The following PTPN20 variants were observed in gnomAD, a reference collection of about 807,000 sequenced individuals.
PTPN20 encodes the protein tyrosine-protein phosphatase non-receptor type 20.
A neutral mutation model predicts 35.0 loss-of-function variants in PTPN20; 9 were observed. The ratio of observed to expected loss-of-function variants is 0.26; its 90% CI spans 0.15 to 0.45. The LOEUF (loss-of-function observed/expected upper bound fraction) is 0.45. Among genes scored for constraint, PTPN20 ranks in the 20% least tolerant of loss-of-function variants. PTPN20 has a pLI of 1.00. For missense variants in PTPN20, 111 were observed against 312.5 expected (o/e 0.36, Z 4.86); for synonymous variants, 32 against 100.2 (o/e 0.32, Z 4.06).
intron 5 of PTPN20, among the ~76,000 whole-genome samples, chr10:46,951,315 G>A (rs1351371497): frequency 6.6e-6 from 1 of 151,932 alleles, no homozygotes; most frequent in Non-Finnish European, 1.5e-5. Context: ...CTTAATATAT[G>A]TTTATTAACT....
intron 9 of PTPN20, among the ~76,000 whole-genome samples, chr10:46,992,474 A>G (rs1426160863): frequency 6.6e-6 from 1 of 152,132 alleles, no homozygotes; most frequent in African/African-American, 2.4e-5. Context: ...TGAAGGACCA[A>G]TCTTTGAGCT....
intron 9 of PTPN20, among the ~76,000 whole-genome samples, chr10:46,997,024 T>A (rs1276790318): frequency 6.6e-6 from 1 of 152,186 alleles, no homozygotes; most frequent in Non-Finnish European, 1.5e-5. Context: ...CTTGCTGGGA[T>A]TTGGATGGAA....
chr10:47,000,648 C>G, intron 10 of PTPN20, 28 bp from the exon 11 acceptor site: 1 of 1,610,190 alleles, frequency 6.2e-7, no homozygotes, highest in African/African-American at 1.3e-5. Flanking sequence ...ACTTAACATT[C>G]TGTTGTTTTT....
chr10:47,002,749 G>T (rs2060127744), downstream of PTPN20, among the ~76,000 whole-genome samples: 2 of 151,884 alleles, frequency 1.3e-5, no homozygotes, highest in East Asian at 3.9e-4. Flanking sequence ...AGGCTTACAT[G>T]TTAGACCAAA....
intron 2 of PTPN20, among the ~76,000 whole-genome samples, chr10:46,936,918 TC>T (rs2041844669): frequency 1.3e-5 from 2 of 149,566 alleles, no homozygotes; most frequent in Non-Finnish European, 3.0e-5. Context: ...AATTGAGTTA[TC>T]TTTTAAAGAA....
intron 5 of PTPN20, among the ~76,000 whole-genome samples, chr10:46,951,335 A>T (rs1375879822): frequency 1.3e-5 from 2 of 151,876 alleles, no homozygotes; most frequent in Non-Finnish European, 2.9e-5. Flanking sequence ...TTCTTCTTGG[A>T]TTTGCATATT....
chr10:46,911,603 G>A (rs2032001211), intron 1 of PTPN20, 102 bp downstream of exon 1: 6 of 197,582 alleles, frequency 3.0e-5, no homozygotes, highest in South Asian at 2.9e-4. Context: ...TGCCGTTGAC[G>A]TGCAGGGGTC....
At chr10:46,997,101 A>G (rs2059245170) in intron 9 of PTPN20, among the ~76,000 whole-genome samples, 4 of 152,326 alleles carry the variant, frequency 2.6e-5, no homozygotes, top group South Asian at 2.1e-4. Flanking sequence ...CTTCCAATCC[A>G]TGAACATGGT....
chr10:46,996,769 G>T (rs996340686), intron 9 of PTPN20, among the ~76,000 whole-genome samples: 7 of 151,938 alleles, frequency 4.6e-5, no homozygotes, highest in African/African-American at 1.5e-4. Context: ...TTGTACCTTT[G>T]TCAAAAATTA....
intron 9 of PTPN20, among the ~76,000 whole-genome samples, chr10:46,992,145 CAG>C (rs1458207293): frequency 4.4e-5 from 6 of 136,240 alleles, no homozygotes; most frequent in Admixed American, 7.8e-5. Flanking sequence ...TTTTTTGAGA[CAG>C]AGTCTTGGTC....
At position 46,976,000 on chromosome 10, in the gene PTPN20, G is replaced by C. The variant is rs1239860588; in HGVS notation, c.583+7953G>C. On this transcript the variant is annotated intron_variant, in intron 7 of 10. Coordinates refer to ENST00000374339, the MANE Select transcript of PTPN20 (RefSeq NM_001042357.5). ...AGAATCAGAGTCTACTTGGAGTGCA[G>C]TAGCATAATCATAGCTCACCGAAAC... 9.3e-5 allele frequency among the ~76,000 whole-genome samples: 14 copies of C among 151,258 alleles called. No individual in the cohort carries two copies. In the East Asian group the frequency reaches 2.1e-3, roughly 23 times the overall value.
chr10:46,986,318 G>C (rs1555173769), intron 8 of PTPN20, among the ~76,000 whole-genome samples: 1 of 143,278 alleles, frequency 7.0e-6, no homozygotes, highest in African/African-American at 2.9e-5. Flanking sequence ...GGATACCAGG[G>C]CTCAGCCAAG....
chr10:47,000,754 T>C lies in PTPN20; in HGVS notation c.*13T>C, dbSNP rs1041947018. 2.5e-6 allele frequency: 4 copies of C among 1,613,516 alleles called. No individual in the cohort carries two copies. The highest frequency in any genetic ancestry group is 2.5e-6 in the Non-Finnish European group (3 of 1,179,510). On this transcript the variant is annotated 3_prime_UTR_variant, in exon 11 of 11. Transcript: ENST00000374339. ...GACTTTGGATTAAGAAAGACTTCTG[T>C]TGCCTCTCACTTGAAATTACCAAGT...
At chr10:46,953,880 G>T (rs2047607027) in intron 5 of PTPN20, among the ~76,000 whole-genome samples, 1 of 138,504 alleles carries the variant, frequency 7.2e-6, no homozygotes, top group Non-Finnish European at 1.5e-5. Context: ...TTCTTTTTTT[G>T]TGATATCTTT....
chr10:46,924,055 G>T (rs1170921016), intron 1 of PTPN20, among the ~76,000 whole-genome samples: 2 of 151,298 alleles, frequency 1.3e-5, no homozygotes, highest in East Asian at 3.9e-4. Flanking sequence ...CTGCAACCTT[G>T]CTGTAATTGC....
intron 9 of PTPN20, among the ~76,000 whole-genome samples, chr10:46,998,417 G>T (rs1320622728): frequency 5.9e-5 from 9 of 152,094 alleles, no homozygotes; most frequent in Admixed American, 5.9e-4. Context: ...AGTGAATTTT[G>T]CTATTTCTTC....
chr10:46,977,290 C>A (rs2054036666), intron 7 of PTPN20, among the ~76,000 whole-genome samples: 1 of 152,406 alleles, frequency 6.6e-6, no homozygotes, highest in East Asian at 1.9e-4. Flanking sequence ...TTGCCAGTCC[C>A]CACAATCATG....
chr10:46,992,711 T>C (rs1331995647), intron 9 of PTPN20, among the ~76,000 whole-genome samples: 2 of 152,198 alleles, frequency 1.3e-5, no homozygotes, highest in Admixed American at 6.5e-5. Flanking sequence ...CTGAGTTCTA[T>C]GTTTGTCATT....
intron 7 of PTPN20, among the ~76,000 whole-genome samples, chr10:46,970,860 T>C (rs1256929871): frequency 2.4e-5 from 2 of 84,812 alleles, no homozygotes; most frequent in Non-Finnish European, 4.0e-5. Flanking sequence ...AGCCTAGACA[T>C]AGAAAAAATG....
Sources: allele counts gnomAD v4.1 joint callset (sites outside exome capture counted in the v4.1 genomes callset), GRCh38; gene constraint gnomAD v4.1.1; transcripts MANE v1.5; gene names NCBI Gene and HGNC (gene_info 2026-07-23, HGNC 2026-07-21).